DDX50: variants seen among roughly 807,000 people sequenced by gnomAD.
DDX50 encodes DExD-box helicase 50, also known as ATP-dependent RNA helicase DDX50.
In DDX50, 56 loss-of-function variants were observed where a neutral mutation model predicts 94.8. The observed-to-expected ratio is 0.59, with a 90% confidence interval of 0.48 to 0.74. The LOEUF is 0.74. Ranked by LOEUF, DDX50 falls within the 30% of genes least tolerant of loss-of-function variation. The probability of loss-of-function intolerance (pLI) is 0.00; values close to 1 mark genes in which losing one functional copy is unlikely to be tolerated. For synonymous variants in DDX50, 264 were observed against 295.4 expected, an observed-to-expected ratio of 0.89 and a Z score of 1.09; for missense variants, 713 against 881.2, an observed-to-expected ratio of 0.81 and a Z score of 2.42.
At chr10:68,916,343 G>A (rs1341111539) in intron 7 of DDX50, among the ~76,000 whole-genome samples, 12 of 103,976 alleles carry the variant, frequency 1.2e-4, no homozygotes, top group African/African-American at 4.8e-4. Context: ...AACAGATTGA[G>A]ACTCTGTCTC....
chr10:68,925,751 C>T (rs1315355501), intron 8 of DDX50, among the ~76,000 whole-genome samples: 2 of 152,002 alleles, frequency 1.3e-5, no homozygotes, highest in African/African-American at 4.8e-5. Context: ...CAATGGCTCA[C>T]GCCTGTAATC....
chr10:68,938,444 A>G (rs1010475789), intron 12 of DDX50, among the ~76,000 whole-genome samples: 1 of 152,234 alleles, frequency 6.6e-6, no homozygotes, highest in Non-Finnish European at 1.5e-5. Context: ...AGAATTTTAA[A>G]TAAGAGTTCT....
chr10:68,906,556 C>G (rs1310158978), intron 1 of DDX50, among the ~76,000 whole-genome samples, 155 bp from the exon 2 acceptor site: 1 of 152,128 alleles, frequency 6.6e-6, no homozygotes, highest in Non-Finnish European at 1.5e-5. Flanking sequence ...AGGCTTAGAG[C>G]TTGGCATTAG....
chr10:68,919,010 A>G (rs374810031), intron 7 of DDX50, among the ~76,000 whole-genome samples: 1 of 152,138 alleles, frequency 6.6e-6, no homozygotes, highest in Non-Finnish European at 1.5e-5. Flanking sequence ...CATTGCCTAC[A>G]GTGTTCAGTA....
intron 8 of DDX50, among the ~76,000 whole-genome samples, chr10:68,922,192 CT>C (rs921347110): frequency 3.3e-5 from 5 of 151,146 alleles, no homozygotes; most frequent in Middle Eastern, 6.8e-3. Flanking sequence ...AAATTTCTCT[CT>C]TTTTTTTTAA....
intron 2 of DDX50, 99 bp downstream of exon 2, chr10:68,907,106 G>C: frequency 8.4e-7 from 1 of 1,189,236 alleles, no homozygotes; most frequent in Non-Finnish European, 1.2e-6. Context: ...AACATTTCTT[G>C]ATTAGTGTCT....
chr10:68,942,119 A>G (rs1842567707), intron 13 of DDX50, among the ~76,000 whole-genome samples: 2 of 152,222 alleles, frequency 1.3e-5, no homozygotes. Context: ...TAAGTAGCTT[A>G]TGATTGCAGT....
intron 1 of DDX50, 34 bp downstream of exon 1, chr10:68,901,505 C>T: frequency 6.5e-7 from 1 of 1,544,354 alleles, no homozygotes; most frequent in East Asian, 2.5e-5. Flanking sequence ...TCCTTTTGGG[C>T]TGCGCCGGCT....
At chr10:68,914,308 C>T (rs1841720162) in intron 7 of DDX50, 104 bp downstream of exon 7, 2 of 1,230,832 alleles carry the variant, frequency 1.6e-6, no homozygotes, top group Non-Finnish European at 2.3e-6. Context: ...CATGCCTAAT[C>T]TTCCTTTTCT....
chr10:68,946,565 G>A lies in DDX50; in HGVS notation c.2149G>A (p.Gly717Ser), dbSNP rs1842679289. 6.2e-7 allele frequency: 1 copy of A among 1,614,116 alleles called. No homozygotes were observed. Among genetic ancestry groups the A allele is most frequent in the African/African-American group, 1.3e-5 (1 of 74,948 alleles). The change falls in exon 15 of 15, where the codon GGT becomes AGT. Residue 717 changes from glycine to serine, a missense_variant. Transcript: ENST00000373585. ...QGSRSGSRQD[G>S]RRRSGNRNRS... ...AAGTCGCTCAGGAAGTCGACAAGAT[G>A]GTAGAAGACGAAGTGGGAATAGAAA...
At chr10:68,913,681 C>G (rs1243142722) in intron 6 of DDX50, 105 bp downstream of exon 6, 1 of 1,053,100 alleles carries the variant, frequency 9.5e-7, no homozygotes, top group South Asian at 1.8e-5. Flanking sequence ...TGCGTTCTAA[C>G]AAAACTAAAA....
chr10:68,915,895 G>A (rs1157005976), intron 7 of DDX50, among the ~76,000 whole-genome samples: 1 of 152,052 alleles, frequency 6.6e-6, no homozygotes, highest in Non-Finnish European at 1.5e-5. Flanking sequence ...AACAATCAGT[G>A]ATAAAAACCA....
intron 8 of DDX50, among the ~76,000 whole-genome samples, chr10:68,923,117 A>AG (rs1469547584): frequency 6.8e-6 from 1 of 147,268 alleles, no homozygotes; most frequent in African/African-American, 2.5e-5. Flanking sequence ...CTCTTAAAAA[A>AG]AAAAAAAAAA....
intron 7 of DDX50, 148 bp from the exon 8 acceptor site, chr10:68,919,684 A>G (rs1049320947): frequency 4.7e-6 from 4 of 847,388 alleles, no homozygotes; most frequent in African/African-American, 3.5e-5. Flanking sequence ...CCATTTGTCT[A>G]TATTGTTTTT....
chr10:68,914,388 A>G (rs190473117), intron 7 of DDX50, among the ~76,000 whole-genome samples, 184 bp downstream of exon 7: 3 of 152,296 alleles, frequency 2.0e-5, no homozygotes, highest in Admixed American at 1.3e-4. Flanking sequence ...AATAGGGGGA[A>G]AAAAAGCACG....
chr10:68,909,145 A>G (rs1270260877), intron 2 of DDX50, among the ~76,000 whole-genome samples: 2 of 152,106 alleles, frequency 1.3e-5, no homozygotes, highest in Non-Finnish European at 2.9e-5. Context: ...TTATTTTTAT[A>G]ATTTTTTTTA....
chr10:68,911,226 A>T lies in DDX50; in HGVS notation c.619A>T (p.Lys207Ter), dbSNP rs752953431. 4.4e-6 allele frequency: 7 copies of T among 1,598,768 alleles called. No individual in the cohort carries two copies. Among genetic ancestry groups the T allele is most frequent in the East Asian group, 2.2e-5 (1 of 44,752 alleles). ...ACTCCAAAGAAATCAAGAAACAATT[A>T]AAAAAAGCCGCTCACCAAAGGTAAT... ...ERLQRNQETI[K>*]KSRSPKVLVL... Residue 207 changes from lysine (K) to a stop codon, truncating the protein, a stop_gained, in exon 4 of 15, where the codon AAA becomes TAA. Coordinates refer to ENST00000373585, the MANE Select transcript of DDX50 (RefSeq NM_024045.2). LOFTEE classifies it high-confidence loss of function.
At chr10:68,928,204 A>G (rs985027752) in intron 8 of DDX50, among the ~76,000 whole-genome samples, 2 of 152,168 alleles carry the variant, frequency 1.3e-5, no homozygotes, top group African/African-American at 4.8e-5. Context: ...GGTCCAAGCT[A>G]CTGAGGAGGC....
intron 14 of DDX50, among the ~76,000 whole-genome samples, chr10:68,946,026 G>C (rs1450928317): frequency 6.6e-6 from 1 of 151,690 alleles, no homozygotes; most frequent in African/African-American, 2.4e-5. Flanking sequence ...TAGAATGTTA[G>C]TATTAGAATA....
Sources: gnomAD v4.1 joint callset for allele counts (sites outside exome capture counted in the v4.1 genomes callset) on GRCh38, gnomAD v4.1.1 for gene constraint, MANE v1.5 for transcripts, NCBI Gene and HGNC (gene_info 2026-07-23, HGNC 2026-07-21) for gene names.